Variants in STARD9 observed in about 807,000 individuals in gnomAD.
STARD9 encodes the protein stAR-related lipid transfer protein 9.
Under a neutral mutation model 399.8 loss-of-function variants are expected in STARD9, and 346 were observed. The ratio of observed to expected loss-of-function variants is 0.87; its 90% CI spans 0.79 to 0.95. STARD9 has a LOEUF of 0.95. STARD9 is among the 40% of genes least tolerant of loss of function. STARD9 has a pLI of 0.00. For missense variants in STARD9, 5,832 were observed against 5,667.5 expected (o/e 1.03, Z -0.93); for synonymous variants, 2,203 against 2,143.5 (o/e 1.03, Z -0.77).
chr15:42,634,973 G>A lies in STARD9; in HGVS notation c.351+1G>A, dbSNP rs2059392642. ...GACATATACCATGCTGGGGACCCCA[G>A]TGAGTATTACAATGATATATATTCC... On this transcript the variant is annotated splice_donor_variant, in intron 4 of 32. Coordinates refer to ENST00000290607, the MANE Select transcript of STARD9 (RefSeq NM_020759.3). LOFTEE classifies it high-confidence loss of function. 11 of 1,505,074 alleles carry A rather than the reference G, an allele frequency of 7.3e-6. No individual in the cohort carries two copies. The highest frequency in any genetic ancestry group is 9.8e-6 in the Non-Finnish European group (11 of 1,118,684). The allele number at this position is 1,505,074 out of a possible 1,614,324, so 93.2% of individuals were successfully genotyped here. A position where few individuals can be genotyped will look rare whatever the true frequency, so the allele number is the denominator to read the frequency against.
rs1290725456 is a variant in STARD9, at chr15:42,688,567, A to T, written c.6989A>T (p.Asp2330Val). 3 of 1,537,696 alleles carry T rather than the reference A, an allele frequency of 2.0e-6. No homozygotes were observed. Among genetic ancestry groups the T allele is most frequent in the Admixed American group, 2.0e-5 (1 of 51,004 alleles). Residue 2330 changes from aspartate to valine, a missense_variant, in exon 23 of 33, where the codon GAC becomes GTC. Coordinates refer to ENST00000290607, the MANE Select transcript of STARD9 (RefSeq NM_020759.3). ...TEFCTAPLHQ[D>V]LSNTLPLNSP... Reference sequence around the variant, plus strand: ...TTCTGTACAGCTCCTCTTCACCAAGACCTGAGTAATACCTTGCCCTTGAAT... The same window carrying T: ...TTCTGTACAGCTCCTCTTCACCAAGTCCTGAGTAATACCTTGCCCTTGAAT...
chr15:42,592,078 CT>C (rs1027883364), intron 3 of STARD9, among the ~76,000 whole-genome samples: 4 of 152,188 alleles, frequency 2.6e-5, no homozygotes, highest in Non-Finnish European at 5.9e-5. Context: ...TACTAGTGAT[CT>C]GATCATCTCT....
chr15:42,668,124 G>A (rs2175370), intron 15 of STARD9, among the ~76,000 whole-genome samples: 37,338 of 152,060 alleles, frequency 0.25, 5,366 homozygotes, highest in African/African-American at 0.39. Flanking sequence ...GGAGTAGGTG[G>A]TGAAAGCTGG....
chr15:42,688,003 C>T lies in STARD9; in HGVS notation c.6425C>T (p.Pro2142Leu), dbSNP rs2060603343. ...AMEVNSIGNH[P>L]QVQKITPNPF... ...GAGGTTAACAGCATTGGGAACCATC[C>T]CCAGGTCCAGAAAATCACCCCAAAC... Residue 2142 changes from proline (P) to leucine (L), a missense_variant, in exon 23 of 33, where the codon CCC (proline) becomes CTC (leucine). Transcript: ENST00000290607. 6.5e-7 allele frequency: 1 copy of T among 1,537,412 alleles called. No individual in the cohort carries two copies. Among genetic ancestry groups the T allele is most frequent in the Non-Finnish European group, 8.7e-7 (1 of 1,146,966 alleles).
chr15:42,693,821 C>T lies in STARD9; in HGVS notation c.12243C>T (p.Gly4081=). 1 of 1,536,480 alleles carries T rather than the reference C, an allele frequency of 6.5e-7. No individual in the cohort carries two copies. The change falls in exon 23 of 33, where the codon GGC becomes GGT. Residue 4081 remains glycine, a synonymous_variant. Transcript: ENST00000290607. Reference sequence around the variant, plus strand: ...TGGACCGACCTTCTTCATGGGGAGGCCTCCAGCACCTCAGCCCCTGCCCTG... The same window carrying T: ...TGGACCGACCTTCTTCATGGGGAGGTCTCCAGCACCTCAGCCCCTGCCCTG... The part of the protein sequence containing the change: ...RTLDRPSSWG[G]LQHLSPCPVS...
chr15:42,576,973 T>A (rs774871844), intron 1 of STARD9, among the ~76,000 whole-genome samples: 4 of 152,190 alleles, frequency 2.6e-5, no homozygotes, highest in Non-Finnish European at 4.4e-5. Flanking sequence ...GGCTTCTTCA[T>A]AACTGGATGT....
chr15:42,611,083 A>G (rs1041075681), intron 3 of STARD9, among the ~76,000 whole-genome samples: 2 of 151,996 alleles, frequency 1.3e-5, no homozygotes, highest in African/African-American at 2.4e-5. Flanking sequence ...AATCTATTCT[A>G]TTTTTTGAAG....
chr15:42,719,099 C>T (rs2280048), intron 32 of STARD9, among the ~76,000 whole-genome samples, 189 bp downstream of exon 32: 1 of 152,028 alleles, frequency 6.6e-6, no homozygotes, highest in East Asian at 1.9e-4. Flanking sequence ...GAAGGGAATG[C>T]GACAGGAGTT....
chr15:42,694,737 C>A lies in STARD9; in HGVS notation c.12962+12C>A. On this transcript the variant is annotated intron_variant, in intron 24 of 32. Coordinates refer to ENST00000290607, the MANE Select transcript of STARD9 (RefSeq NM_020759.3). ...GTGGAGACCACCAGGTAGTGTGGAC[C>A]GAGAACCCTGCTGGGAGCAGGCTCT... 6.5e-7 allele frequency: 1 copy of A among 1,535,600 alleles called. No individual in the cohort carries two copies. The highest frequency in any genetic ancestry group is 8.7e-7 in the Non-Finnish European group (1 of 1,145,864).
At chr15:42,587,023 T>G (rs2058290711) in intron 3 of STARD9, among the ~76,000 whole-genome samples, 1 of 151,962 alleles carries the variant, frequency 6.6e-6, no homozygotes. Context: ...GCCCAGCTAA[T>G]TTTTGTATTT....
chr15:42,701,227 G>C (rs138157695), intron 26 of STARD9, among the ~76,000 whole-genome samples: 1 of 152,122 alleles, frequency 6.6e-6, no homozygotes, highest in Non-Finnish European at 1.5e-5. Flanking sequence ...TTCTTTGGCT[G>C]TTTGGGGTCT....
rs760786175 is a variant in STARD9, at chr15:42,693,168, C to A, written c.11590C>A (p.Pro3864Thr). 6.5e-7 allele frequency: 1 copy of A among 1,537,168 alleles called. No homozygotes were observed. Among genetic ancestry groups the A allele is most frequent in the South Asian group, 1.2e-5 (1 of 84,056 alleles). Residue 3864 changes from proline (P) to threonine (T), a missense_variant, in exon 23 of 33, where the codon CCT becomes ACT. By Grantham distance (38) the Pro-to-Thr change is conservative. This residue lies in a region of STARD9 where 5,828 missense variants were observed against 5,651.1 expected (regional missense o/e 1.03). Coordinates refer to ENST00000290607, the MANE Select transcript of STARD9 (RefSeq NM_020759.3). Reference protein sequence around the residue: ...LVVSSPSPSSPHSPGLFPSTS... With the variant: ...LVVSSPSPSSTHSPGLFPSTS... ...TGTCAGCAGTCCCAGTCCCAGCTCC[C>A]CTCATTCCCCAGGGCTCTTTCCCAG...
chr15:42,595,251 G>A (rs936062555), intron 3 of STARD9, among the ~76,000 whole-genome samples: 2 of 152,100 alleles, frequency 1.3e-5, no homozygotes, highest in African/African-American at 4.8e-5. Context: ...TTAGGATTGT[G>A]TCACTTTTTT....
At chr15:42,699,392 C>CTTTTTCTTTTTTTTTTTTTTTTTTT (rs2060912049) in intron 26 of STARD9, among the ~76,000 whole-genome samples, 1 of 113,280 alleles carries the variant, frequency 8.8e-6, no homozygotes, top group African/African-American at 4.1e-5. Flanking sequence ...TTTTTCTTTT[C>CTTTTTCTTTTTTTTTTTTTTTTTTT]TTTTTTTTTT....
intron 26 of STARD9, among the ~76,000 whole-genome samples, chr15:42,701,946 G>C (rs1021716260): frequency 7.8e-6 from 1 of 127,744 alleles, no homozygotes; most frequent in Non-Finnish European, 1.6e-5. Flanking sequence ...AGTGACCCGA[G>C]ATCATCATTG....
intron 20 of STARD9, among the ~76,000 whole-genome samples, chr15:42,680,998 G>A (rs2060416189): frequency 6.6e-6 from 1 of 152,244 alleles, no homozygotes; most frequent in African/African-American, 2.4e-5. Flanking sequence ...ATATGTAGGA[G>A]AGAGTTTTAT....
intron 26 of STARD9, among the ~76,000 whole-genome samples, chr15:42,712,524 T>A (rs1481915271): frequency 6.6e-6 from 1 of 152,168 alleles, no homozygotes; most frequent in African/African-American, 2.4e-5. Flanking sequence ...AATTTCATTC[T>A]TTTCCATATG....
intron 3 of STARD9, among the ~76,000 whole-genome samples, chr15:42,612,875 T>C (rs915714218): frequency 2.0e-5 from 3 of 151,710 alleles, no homozygotes; most frequent in Non-Finnish European, 4.4e-5. Flanking sequence ...TCCTAGCTAC[T>C]CAGGAGGCTG....
rs1177472617 is a variant in STARD9 at position 42,691,042 on chromosome 15, T to C, written c.9464T>C (p.Leu3155Ser). The C allele has an allele frequency of 8.5e-6, 13 of 1,537,206 alleles. No individual in the cohort carries two copies. In the Admixed American group the frequency reaches 2.5e-4, roughly 30 times the overall value. Residue 3155 changes from leucine (L) to serine (S), a missense_variant, in exon 23 of 33, where the codon TTG becomes TCG. Around this residue, in one of 2 missense-constraint regions of STARD9, gnomAD observed 5,828 missense variants for 5,651.1 expected, o/e 1.03. Coordinates refer to ENST00000290607, the MANE Select transcript of STARD9 (RefSeq NM_020759.3). ...DLSEGSAESK[L>S]VVEPQHECLE... ...AGTGAAGGGTCTGCTGAGAGCAAGT[T>C]GGTGGTAGAGCCACAGCATGAATGT...
Sources: allele counts gnomAD v4.1 joint callset (sites outside exome capture counted in the v4.1 genomes callset), GRCh38; gene constraint gnomAD v4.1.1; regional missense constraint gnomAD v4.1.1; transcripts MANE v1.5; gene names NCBI Gene and HGNC (gene_info 2026-07-23, HGNC 2026-07-21).